The following PNLIPRP3 variants were observed in gnomAD, a reference collection of about 807,000 sequenced individuals.
The protein encoded by PNLIPRP3 is pancreatic lipase-related protein 3.
Under a neutral mutation model 52.8 loss-of-function variants are expected in PNLIPRP3, and 58 were observed. The ratio of observed to expected loss-of-function variants is 1.10; its 90% CI spans 0.89 to 1.37. PNLIPRP3 has a LOEUF of 1.37. Ranked by LOEUF, PNLIPRP3 falls within the 40% of genes most tolerant of loss-of-function variation. The pLI is 0.00. For synonymous variants in PNLIPRP3, 192 were observed against 185.0 expected (o/e 1.04, Z -0.31); for missense variants, 593 against 561.6 (o/e 1.06, Z -0.57).
intron 4 of PNLIPRP3, among the ~76,000 whole-genome samples, 188 bp downstream of exon 4, chr10:116,444,701 G>A (rs1373968044): frequency 1.3e-5 from 2 of 152,158 alleles, no homozygotes; most frequent in Non-Finnish European, 2.9e-5. Flanking sequence ...GTGGTTATTT[G>A]AAGCACCACT....
At chr10:116,445,558 T>TTAA (rs10622417) in intron 4 of PNLIPRP3, among the ~76,000 whole-genome samples, 2 of 148,848 alleles carry the variant, frequency 1.3e-5, no homozygotes, top group Non-Finnish European at 3.0e-5. Context: ...CTTCTCTTTA[T>TTAA]AAAAAAAAAA....
intron 4 of PNLIPRP3, among the ~76,000 whole-genome samples, 165 bp from the exon 5 acceptor site, chr10:116,455,557 G>A (rs149494564): frequency 2.2e-3 from 328 of 152,252 alleles, no homozygotes; most frequent in African/African-American, 7.2e-3. Flanking sequence ...TCCTTCAGTT[G>A]GATAAGGATG....
chr10:116,439,556 CT>C, intron 2 of PNLIPRP3: 2 of 847,526 alleles, frequency 2.4e-6, no homozygotes, highest in Non-Finnish European at 4.0e-6. Flanking sequence ...CGCCATCAAA[CT>C]TTACTTTCGA....
intron 5 of PNLIPRP3, among the ~76,000 whole-genome samples, chr10:116,458,005 T>A (rs1352161004): frequency 6.6e-6 from 1 of 152,120 alleles, no homozygotes; most frequent in African/African-American, 2.4e-5. Context: ...AACTGAGACC[T>A]CACAAACAGA....
chr10:116,452,389 TC>T (rs1846052018), intron 4 of PNLIPRP3, among the ~76,000 whole-genome samples: 1 of 152,222 alleles, frequency 6.6e-6, no homozygotes, highest in Admixed American at 6.5e-5. Flanking sequence ...AAAAGCTTTT[TC>T]AAGAGCAGAA....
intron 4 of PNLIPRP3, among the ~76,000 whole-genome samples, chr10:116,450,659 G>T (rs1346550013): frequency 1.3e-5 from 2 of 152,022 alleles, no homozygotes; most frequent in Non-Finnish European, 2.9e-5. Flanking sequence ...AAAGGAACAT[G>T]AGACTAGTAT....
Position 116,476,820 on chromosome 10 carries a change from G to A in PNLIPRP3, c.1340+1G>A. ...ATACATCTGGGAAATATGGATATAAGTAAGTATTGCTTTTTCCTTTTCATT... is the reference window on the plus strand; with the variant it reads ...ATACATCTGGGAAATATGGATATAAATAAGTATTGCTTTTTCCTTTTCATT... On this transcript the variant is annotated splice_donor_variant, in intron 11 of 11. Coordinates refer to ENST00000369230, the MANE Select transcript of PNLIPRP3 (RefSeq NM_001011709.3). LOFTEE classifies it high-confidence loss of function. The A allele has an allele frequency of 6.3e-7, 1 of 1,583,562 alleles. No homozygotes were observed. Among genetic ancestry groups the A allele is most frequent in the East Asian group, 2.2e-5 (1 of 44,468 alleles).
At chr10:116,465,439 G>T (rs536346809) in intron 7 of PNLIPRP3, among the ~76,000 whole-genome samples, 4 of 152,136 alleles carry the variant, frequency 2.6e-5, no homozygotes, top group Admixed American at 6.5e-5. Flanking sequence ...GGAGGCTGAG[G>T]CAGGAGAATG....
chr10:116,463,378 G>A (rs187438167), intron 7 of PNLIPRP3, among the ~76,000 whole-genome samples: 1 of 152,284 alleles, frequency 6.6e-6, no homozygotes, highest in East Asian at 1.9e-4. Context: ...CTCCGTGTCA[G>A]GAACCCTGGG....
chr10:116,448,195 A>T (rs1335259876), intron 4 of PNLIPRP3, among the ~76,000 whole-genome samples: 1 of 152,164 alleles, frequency 6.6e-6, no homozygotes. Context: ...TAAAAGACAA[A>T]AGTATTAAGA....
rs76425969 is a variant in PNLIPRP3 at position 116,451,349 on chromosome 10, A to G, written c.457-4373A>G. 3.1e-3 allele frequency among the ~76,000 whole-genome samples: 469 copies of G among 152,362 alleles called. 1 individual carries two copies. Among genetic ancestry groups the G allele is most frequent in the African/African-American group, 0.011 (454 of 41,590 alleles). On this transcript the variant is annotated intron_variant, in intron 4 of 11. Coordinates refer to ENST00000369230, the MANE Select transcript of PNLIPRP3 (RefSeq NM_001011709.3). ...CTCCTAGAAAAAAACATAGAAGAAA[A>G]GCTTTATGACATTGGACTTGACAAT...
chr10:116,452,029 GAT>G (rs1846048069), intron 4 of PNLIPRP3, among the ~76,000 whole-genome samples: 1 of 152,140 alleles, frequency 6.6e-6, no homozygotes, highest in Non-Finnish European at 1.5e-5. Context: ...TGATGATAGA[GAT>G]ATGGACAGTG....
At chr10:116,446,865 C>T (rs374654593) in intron 4 of PNLIPRP3, among the ~76,000 whole-genome samples, 2 of 152,172 alleles carry the variant, frequency 1.3e-5, no homozygotes, top group South Asian at 2.1e-4. Context: ...CCTAGCTTCC[C>T]GCTTCACCTT....
At chr10:116,461,487 C>T (rs1846192159) in intron 7 of PNLIPRP3, among the ~76,000 whole-genome samples, 197 bp downstream of exon 7, 1 of 152,150 alleles carries the variant, frequency 6.6e-6, no homozygotes, top group South Asian at 2.1e-4. Flanking sequence ...CTTTGTATCC[C>T]TGGTGCCTTA....
At chr10:116,443,682 C>CAT (rs1845893463) in intron 3 of PNLIPRP3, among the ~76,000 whole-genome samples, 8 of 134,930 alleles carry the variant, frequency 5.9e-5, no homozygotes, top group Non-Finnish European at 3.2e-5. Flanking sequence ...TATATAAACA[C>CAT]ATATATATAA....
At chr10:116,434,494 T>C (rs1019524896) in intron 1 of PNLIPRP3, among the ~76,000 whole-genome samples, 4 of 152,222 alleles carry the variant, frequency 2.6e-5, no homozygotes, top group African/African-American at 9.6e-5. Flanking sequence ...TTCAATCTTT[T>C]CTTAAGTGGC....
chr10:116,468,156 A>G (rs1846310482), intron 8 of PNLIPRP3, among the ~76,000 whole-genome samples: 2 of 146,610 alleles, frequency 1.4e-5, no homozygotes, highest in Admixed American at 6.8e-5. Context: ...AAAAAAAGCA[A>G]CGTCTACCAA....
chr10:116,443,263 T>C, intron 3 of PNLIPRP3, 89 bp downstream of exon 3: 1 of 1,316,862 alleles, frequency 7.6e-7, no homozygotes. Flanking sequence ...TGTATATTCA[T>C]GGAAATCTTC....
intron 9 of PNLIPRP3, 84 bp downstream of exon 9, chr10:116,469,401 A>G: frequency 7.4e-7 from 1 of 1,355,002 alleles, no homozygotes; most frequent in South Asian, 1.6e-5. Context: ...GTGTCTACTA[A>G]ATAACTGGGC....
Sources: allele counts gnomAD v4.1 joint callset (sites outside exome capture counted in the v4.1 genomes callset), GRCh38; gene constraint gnomAD v4.1.1; transcripts MANE v1.5; gene names NCBI Gene and HGNC (gene_info 2026-07-23, HGNC 2026-07-21).